Variants in EVL observed in about 807,000 individuals in gnomAD.
The protein encoded by EVL is ena/VASP-like protein.
EVL carries 21 observed loss-of-function variants against 59.6 expected under a neutral mutation model. The observed-to-expected ratio is 0.35, with a 90% CI of 0.25 to 0.51. The LOEUF (loss-of-function observed/expected upper bound fraction) is 0.51, where lower values mean the gene tolerates loss of function less well. EVL is among the 20% of genes least tolerant of loss of function. The pLI is 0.97. For missense variants in EVL, 462 were observed against 546.6 expected (o/e 0.85, Z 1.54); for synonymous variants, 198 against 203.5 (o/e 0.97, Z 0.23).
intron 2 of EVL, among the ~76,000 whole-genome samples, chr14:100,094,357 C>G (rs765998123): frequency 8.5e-5 from 13 of 152,258 alleles, no homozygotes; most frequent in African/African-American, 9.6e-5. Context: ...CATTTCCCCC[C>G]CAAGAGCCAC....
At chr14:100,070,695 G>A (rs529166265) in intron 1 of EVL, among the ~76,000 whole-genome samples, 2 of 152,334 alleles carry the variant, frequency 1.3e-5, no homozygotes, top group Admixed American at 6.5e-5. Flanking sequence ...TGTAAGGGCA[G>A]AGCCGGGGTC....
chr14:100,082,258 G>A (rs77945529), intron 1 of EVL, among the ~76,000 whole-genome samples: 1 of 151,982 alleles, frequency 6.6e-6, no homozygotes, highest in African/African-American at 2.4e-5. Context: ...CTGAGGGCAG[G>A]TACTGTTCTA....
intron 1 of EVL, among the ~76,000 whole-genome samples, chr14:99,991,958 CTCTG>C (rs2060878045): frequency 1.4e-5 from 1 of 73,404 alleles, no homozygotes; most frequent in Admixed American, 1.6e-4. Flanking sequence ...TGAGGGTCAA[CTCTG>C]TGTGTGTGTG....
At chr14:99,994,311 A>C (rs2060897892) in intron 1 of EVL, among the ~76,000 whole-genome samples, 1 of 151,762 alleles carries the variant, frequency 6.6e-6, no homozygotes, top group Non-Finnish European at 1.5e-5. Flanking sequence ...TTTTGTTAAT[A>C]GTTTTTCTGT....
In EVL at chr14:100,128,507, G is replaced by A. The variant is rs1423839817; in HGVS notation, c.488-12G>A. Reference sequence around the variant, plus strand: ...GTGCTGGAGCTGGCTGAGCCTCACTGTTGTGTTTCAGGGCCCATCCTCCCA... The same window carrying A: ...GTGCTGGAGCTGGCTGAGCCTCACTATTGTGTTTCAGGGCCCATCCTCCCA... On this transcript the variant is annotated splice_polypyrimidine_tract_variant and intron_variant, in intron 5 of 13. Transcript: ENST00000392920. 2 of 1,611,620 alleles carry A rather than the reference G, an allele frequency of 1.2e-6. No individual in the cohort carries two copies. Among genetic ancestry groups the A allele is most frequent in the Non-Finnish European group, 1.7e-6 (2 of 1,179,832 alleles).
rs149579760 is a variant in EVL at position 100,024,409 on chromosome 14, G to A, written c.5+52352G>A. Among the ~76,000 whole-genome samples, 69 of 152,312 alleles carry A rather than the reference G, an allele frequency of 4.5e-4. 1 individual carries two copies. Among genetic ancestry groups the A allele is most frequent in the African/African-American group, 1.5e-3 (62 of 41,568 alleles). ...CCTGTAGTACCTTGAAGAAACAGAT[G>A]TTTAGTACATTGATCTGAGCTGAGG... On this transcript the variant is annotated intron_variant, in intron 1 of 13. Coordinates refer to the EVL transcript ENST00000402714.
chr14:100,125,150 A>ACACACACACC (rs1555361572), intron 4 of EVL, among the ~76,000 whole-genome samples: 2,693 of 128,338 alleles, frequency 0.021, 196 homozygotes, highest in South Asian at 0.061. Context: ...ACACACACAC[A>ACACACACACC]CCTGCCCCAA....
chr14:100,052,110 C>G (rs1423760112), intron 1 of EVL, among the ~76,000 whole-genome samples: 2 of 152,174 alleles, frequency 1.3e-5, no homozygotes, highest in Non-Finnish European at 1.5e-5. Flanking sequence ...ATGGTGCATC[C>G]CCATGCCTTA....
chr14:100,034,234 CAAAAAA>C (rs548491187), intron 1 of EVL, among the ~76,000 whole-genome samples: 1 of 90,934 alleles, frequency 1.1e-5, no homozygotes, highest in African/African-American at 3.6e-5. Flanking sequence ...GAATCTGTCT[CAAAAAA>C]AAAAAAAAAA....
chr14:100,055,076 G>C (rs1040329156), intron 1 of EVL, among the ~76,000 whole-genome samples: 1 of 151,992 alleles, frequency 6.6e-6, no homozygotes, highest in African/African-American at 2.4e-5. Flanking sequence ...GTGCATGCCT[G>C]TAATCCTAGC....
chr14:99,984,941 C>T (rs2140173302), intron 1 of EVL, among the ~76,000 whole-genome samples: 2 of 152,144 alleles, frequency 1.3e-5, no homozygotes, highest in African/African-American at 4.8e-5. Flanking sequence ...TAAAGTCCAG[C>T]ATTTATTAAA....
At position 99,997,514 on chromosome 14, in the gene EVL, G is replaced by A. The variant is rs377201389; in HGVS notation, c.5+25457G>A. On this transcript the variant is annotated intron_variant, in intron 1 of 13. Coordinates refer to the EVL transcript ENST00000402714. ...AAGATGAATGATTTTGATTCTGGGA[G>A]AGGAAAAGATTAGGACAAGAAAGGT... 1.6e-4 allele frequency among the ~76,000 whole-genome samples: 25 copies of A among 152,356 alleles called. No homozygotes were observed. The South Asian group carries it at 2.1e-3, about 13-fold the overall frequency.
intron 3 of EVL, among the ~76,000 whole-genome samples, chr14:100,121,020 A>G (rs960257858): frequency 1.3e-5 from 2 of 152,192 alleles, no homozygotes; most frequent in African/African-American, 4.8e-5. Flanking sequence ...GTGGAATCCA[A>G]GCTCAGCTCG....
chr14:100,000,340 CTTTTTTTTTTTTTT>C (rs60864913), intron 1 of EVL, among the ~76,000 whole-genome samples: 45 of 99,880 alleles, frequency 4.5e-4, no homozygotes, highest in African/African-American at 1.6e-3. Context: ...CTGTTGCATT[CTTTTTTTTTTTTTT>C]TTTTTTTTTT....
chr14:100,005,163 A>G (rs189956255), intron 1 of EVL, among the ~76,000 whole-genome samples: 3 of 152,294 alleles, frequency 2.0e-5, no homozygotes, highest in South Asian at 4.1e-4. Context: ...GTCCTTGTTC[A>G]TTGCTGAGCA....
intron 1 of EVL, among the ~76,000 whole-genome samples, chr14:100,080,716 C>T (rs2062280612): frequency 1.3e-5 from 2 of 152,198 alleles, no homozygotes; most frequent in African/African-American, 2.4e-5. Context: ...GTTATACCTA[C>T]AGCTCAGAGA....
intron 1 of EVL, among the ~76,000 whole-genome samples, chr14:100,052,405 CT>C (rs1303242032): frequency 6.6e-6 from 1 of 152,130 alleles, no homozygotes; most frequent in Non-Finnish European, 1.5e-5. Flanking sequence ...AATATTACAT[CT>C]TTTCGCAACC....
intron 4 of EVL, among the ~76,000 whole-genome samples, chr14:100,124,981 G>A (rs1429188764): frequency 6.6e-6 from 1 of 151,078 alleles, no homozygotes; most frequent in African/African-American, 2.4e-5. Flanking sequence ...CACACCTGCT[G>A]CAAGACGAGA....
At chr14:99,991,144 G>A (rs1270221895) in intron 1 of EVL, among the ~76,000 whole-genome samples, 1 of 152,118 alleles carries the variant, frequency 6.6e-6, no homozygotes, top group Non-Finnish European at 1.5e-5. Context: ...ACAAAGACAA[G>A]GATGAAGACA....
Sources: gnomAD v4.1 joint callset for allele counts (sites outside exome capture counted in the v4.1 genomes callset) on GRCh38, gnomAD v4.1.1 for gene constraint, MANE v1.5 for transcripts, NCBI Gene and HGNC (gene_info 2026-07-23, HGNC 2026-07-21) for gene names.